Variants in LRBA observed in about 807,000 individuals in gnomAD.
LRBA encodes LPS responsive beige-like anchor protein, also known as lipopolysaccharide-responsive and beige-like anchor protein.
A neutral mutation model predicts 330.0 loss-of-function variants in LRBA; 176 were observed. That is an observed-to-expected ratio of 0.53 (90% confidence interval 0.47 to 0.60). The LOEUF is 0.60. Ranked by LOEUF, LRBA falls within the 20% of genes least tolerant of loss-of-function variation. The pLI, the probability that LRBA is intolerant of heterozygous loss-of-function variation, is 0.00. For synonymous variants in LRBA, 1,230 were observed against 1,193.0 expected (o/e 1.03, Z -0.64); for missense variants, 3,259 against 3,444.8 (o/e 0.95, Z 1.35).
intron 2 of LRBA, among the ~76,000 whole-genome samples, chr4:150,962,167 T>C (rs1163640066): frequency 6.7e-6 from 1 of 149,536 alleles, no homozygotes; most frequent in Non-Finnish European, 1.5e-5. Context: ...AATTTTTTTC[T>C]ACATATGTTC....
intron 36 of LRBA, among the ~76,000 whole-genome samples, chr4:150,723,605 C>G (rs1729237866): frequency 6.6e-6 from 1 of 152,144 alleles, no homozygotes; most frequent in Non-Finnish European, 1.5e-5. Context: ...GACTTACTAG[C>G]TTCAGGGGTG....
chr4:150,521,895 T>C (rs759088032), intron 40 of LRBA, among the ~76,000 whole-genome samples: 2 of 152,212 alleles, frequency 1.3e-5, no homozygotes, highest in Non-Finnish European at 2.9e-5. Context: ...TTACTGACAA[T>C]ACCTATTGTT....
At chr4:150,529,283 C>T (rs902988612) in intron 40 of LRBA, among the ~76,000 whole-genome samples, 2 of 152,190 alleles carry the variant, frequency 1.3e-5, no homozygotes, top group Non-Finnish European at 2.9e-5. Flanking sequence ...GGTGAGTATG[C>T]ATGTTCCTCT....
intron 47 of LRBA, among the ~76,000 whole-genome samples, chr4:150,382,897 G>A (rs1742482276): frequency 6.6e-6 from 1 of 152,078 alleles, no homozygotes; most frequent in Non-Finnish European, 1.5e-5. Flanking sequence ...ACCTTCTGAG[G>A]ACAATAACAA....
chr4:150,323,025 G>GTGTGTGTGT (rs373782725), intron 49 of LRBA, among the ~76,000 whole-genome samples: 1 of 142,538 alleles, frequency 7.0e-6, no homozygotes, highest in East Asian at 2.0e-4. Context: ...GTGTGTGTGT[G>GTGTGTGTGT]GGGATGCATT....
intron 37 of LRBA, among the ~76,000 whole-genome samples, chr4:150,650,625 G>A (rs1581924251): frequency 6.6e-6 from 1 of 152,166 alleles, no homozygotes; most frequent in East Asian, 1.9e-4. Flanking sequence ...CTCATGCTAG[G>A]ACTTTCCTAT....
chr4:150,780,805 G>T (rs573809582), intron 34 of LRBA, among the ~76,000 whole-genome samples: 1 of 151,398 alleles, frequency 6.6e-6, no homozygotes, highest in Non-Finnish European at 1.5e-5. Context: ...TTTTTCCACA[G>T]ACAAGGGGGT....
rs760996011 is a variant in LRBA, at chr4:150,925,895, T to C, written c.549+2621A>G. Among the ~76,000 whole-genome samples the C allele has an allele frequency of 7.1e-4, 108 of 152,174 alleles. 1 individual carries two copies. The highest frequency in any genetic ancestry group is 3.4e-3 in the Middle Eastern group (1 of 294). ...GACTTACCAACCTACCATAAACAAC[T>C]AGAAAAGTGGGCAAAATGTATCAAA... On this transcript the variant is annotated intron_variant, in intron 4 of 56. Transcript: ENST00000651943.
At chr4:150,801,825 T>G (rs1741650701) in intron 33 of LRBA, among the ~76,000 whole-genome samples, 1 of 151,926 alleles carries the variant, frequency 6.6e-6, no homozygotes, top group Admixed American at 6.6e-5. Flanking sequence ...ATTTTTTGCC[T>G]ACCCCAAAAA....
chr4:150,818,775 C>G (rs1036120152), intron 30 of LRBA, among the ~76,000 whole-genome samples: 1 of 151,904 alleles, frequency 6.6e-6, no homozygotes, highest in Non-Finnish European at 1.5e-5. Flanking sequence ...CCAGCAAGAT[C>G]TAGTTTACTC....
At chr4:150,407,232 T>C (rs1746326788) in intron 47 of LRBA, among the ~76,000 whole-genome samples, 1 of 152,222 alleles carries the variant, frequency 6.6e-6, no homozygotes, top group South Asian at 2.1e-4. Flanking sequence ...AGACATCCTC[T>C]GGACGAAGTG....
At chr4:150,634,746 C>T (rs1327168573) in intron 37 of LRBA, among the ~76,000 whole-genome samples, 1 of 152,124 alleles carries the variant, frequency 6.6e-6, no homozygotes, top group Non-Finnish European at 1.5e-5. Flanking sequence ...CAGGCATTTG[C>T]AAACATACCC....
At chr4:150,352,855 G>A (rs1438580849) in intron 47 of LRBA, among the ~76,000 whole-genome samples, 1 of 152,200 alleles carries the variant, frequency 6.6e-6, no homozygotes, top group Non-Finnish European at 1.5e-5. Flanking sequence ...GTTCAAATTA[G>A]AGCAAGCTGC....
intron 40 of LRBA, among the ~76,000 whole-genome samples, chr4:150,573,019 C>T (rs376079216): frequency 1.3e-5 from 2 of 152,100 alleles, no homozygotes; most frequent in East Asian, 3.9e-4. Context: ...ATGAAACTAG[C>T]CAACAGAACA....
intron 40 of LRBA, among the ~76,000 whole-genome samples, chr4:150,533,390 T>C (rs1764255896): frequency 6.6e-6 from 1 of 152,082 alleles, no homozygotes; most frequent in Non-Finnish European, 1.5e-5. Flanking sequence ...CCCAGGCTGT[T>C]CTCTAACTCC....
chr4:150,569,672 T>A (rs1769601040), intron 40 of LRBA, among the ~76,000 whole-genome samples: 1 of 152,148 alleles, frequency 6.6e-6, no homozygotes, highest in Admixed American at 6.6e-5. Flanking sequence ...GCTTTTTATT[T>A]TCCAGTCGGT....
intron 37 of LRBA, among the ~76,000 whole-genome samples, chr4:150,659,180 CG>C (rs1011965211): frequency 5.9e-5 from 7 of 118,966 alleles, no homozygotes; most frequent in African/African-American, 2.1e-4. Context: ...GGCCGCCCAT[CG>C]TCTGGGATGT....
intron 40 of LRBA, among the ~76,000 whole-genome samples, chr4:150,535,158 G>A (rs1267903508): frequency 1.3e-5 from 2 of 152,028 alleles, no homozygotes; most frequent in African/African-American, 4.8e-5. Flanking sequence ...TTTAGAGATA[G>A]TGTCTTTCTC....
At chr4:150,934,138 T>A (rs148850323) in intron 2 of LRBA, among the ~76,000 whole-genome samples, 1 of 152,138 alleles carries the variant, frequency 6.6e-6, no homozygotes, top group Non-Finnish European at 1.5e-5. Flanking sequence ...AAGTAACCTA[T>A]TTCTAACAAA....
Sources: allele counts gnomAD v4.1 joint callset (sites outside exome capture counted in the v4.1 genomes callset), GRCh38; gene constraint gnomAD v4.1.1; transcripts MANE v1.5; gene names NCBI Gene and HGNC (gene_info 2026-07-23, HGNC 2026-07-21).